Variants in ARHGAP10 observed in about 807,000 individuals in gnomAD.
ARHGAP10 encodes rho GTPase-activating protein 10.
Under a neutral mutation model 108.6 loss-of-function variants are expected in ARHGAP10, and 87 were observed. The ratio of observed to expected loss-of-function variants is 0.80; its 90% CI spans 0.67 to 0.96. The LOEUF is 0.96. Among genes scored for constraint, ARHGAP10 ranks in the 40% least tolerant of loss-of-function variants. The probability of loss-of-function intolerance (pLI) is 0.00; values close to 1 mark genes in which losing one functional copy is unlikely to be tolerated. For missense variants in ARHGAP10, 939 were observed against 954.5 expected, an observed-to-expected ratio of 0.98 and a Z score of 0.21; for synonymous variants, 347 against 341.1, an observed-to-expected ratio of 1.02 and a Z score of -0.19.
At chr4:147,838,464 C>G (rs1733261710) in intron 3 of ARHGAP10, among the ~76,000 whole-genome samples, 1 of 48,166 alleles carries the variant, frequency 2.1e-5, no homozygotes, top group Non-Finnish European at 6.8e-5. Context: ...GAGTGAGACC[C>G]TTGTCTCTTA....
chr4:147,988,494 C>A (rs1416181093), intron 18 of ARHGAP10, among the ~76,000 whole-genome samples: 1 of 152,152 alleles, frequency 6.6e-6, no homozygotes, highest in East Asian at 1.9e-4. Context: ...TTTCCTCTAT[C>A]TAGCTCTGAA....
chr4:147,876,171 T>G (rs907397609), intron 8 of ARHGAP10, among the ~76,000 whole-genome samples: 3 of 152,196 alleles, frequency 2.0e-5, no homozygotes, highest in Non-Finnish European at 4.4e-5. Context: ...TTGCCCTTAT[T>G]TAATCTGGAA....
intron 14 of ARHGAP10, among the ~76,000 whole-genome samples, chr4:147,944,995 G>A (rs1446801419): frequency 4.6e-5 from 7 of 152,168 alleles, no homozygotes; most frequent in African/African-American, 1.7e-4. Flanking sequence ...CGTTCTGTGA[G>A]AGCATTTACA....
At chr4:148,048,932 G>GTT (rs936226806) in intron 20 of ARHGAP10, among the ~76,000 whole-genome samples, 1 of 150,932 alleles carries the variant, frequency 6.6e-6, no homozygotes, top group African/African-American at 2.4e-5. Flanking sequence ...GTTGGGGGGA[G>GTT]TAGTTGAAGC....
chr4:147,792,555 TCTC>T (rs1289930513), intron 1 of ARHGAP10, among the ~76,000 whole-genome samples: 3 of 152,198 alleles, frequency 2.0e-5, no homozygotes, highest in Non-Finnish European at 4.4e-5. Flanking sequence ...TTCCTGTGCT[TCTC>T]CTCACTCCGT....
At chr4:147,973,677 C>T (rs896171173) in intron 18 of ARHGAP10, among the ~76,000 whole-genome samples, 5 of 152,172 alleles carry the variant, frequency 3.3e-5, no homozygotes, top group African/African-American at 4.8e-5. Context: ...CTGCTCCCCC[C>T]GCCACTGCTC....
At chr4:147,734,669 T>C (rs1430625490) in intron 1 of ARHGAP10, among the ~76,000 whole-genome samples, 2 of 152,132 alleles carry the variant, frequency 1.3e-5, no homozygotes, top group Admixed American at 6.5e-5. Context: ...ATTGAGCAGG[T>C]CTTATTCTTT....
chr4:147,959,747 A>T (rs10002792), intron 16 of ARHGAP10, among the ~76,000 whole-genome samples: 33,835 of 152,112 alleles, frequency 0.22, 7,209 homozygotes, highest in African/African-American at 0.56. Flanking sequence ...TGTGCCACAT[A>T]TTCTTAATCC....
chr4:147,903,954 G>A (rs193124864), intron 10 of ARHGAP10, among the ~76,000 whole-genome samples: 162 of 152,300 alleles, frequency 1.1e-3, no homozygotes, highest in African/African-American at 3.8e-3. Flanking sequence ...TGTAGACATA[G>A]TTTTCAGTTC....
chr4:147,910,501 C>T (rs753569793), intron 12 of ARHGAP10, among the ~76,000 whole-genome samples: 7 of 152,166 alleles, frequency 4.6e-5, no homozygotes, highest in Non-Finnish European at 1.0e-4. Context: ...TGTTTCCTAG[C>T]CTTGATATGC....
At chr4:147,942,752 A>G (rs1019691883) in intron 14 of ARHGAP10, among the ~76,000 whole-genome samples, 1 of 152,236 alleles carries the variant, frequency 6.6e-6, no homozygotes, top group African/African-American at 2.4e-5. Flanking sequence ...AGGAGCAGGC[A>G]GCTGCCTTCC....
chr4:147,842,861 A>G (rs1733470424), intron 3 of ARHGAP10, among the ~76,000 whole-genome samples: 1 of 152,130 alleles, frequency 6.6e-6, no homozygotes, highest in Non-Finnish European at 1.5e-5. Context: ...TGCTGGAGAA[A>G]ATCCCACAAT....
intron 10 of ARHGAP10, among the ~76,000 whole-genome samples, chr4:147,897,276 A>G (rs1439362269): frequency 6.6e-6 from 1 of 151,160 alleles, no homozygotes. Context: ...TATTATTACT[A>G]TTTTTTTGTA....
chr4:147,973,133 G>A (rs1220951088), intron 18 of ARHGAP10, among the ~76,000 whole-genome samples: 1 of 152,126 alleles, frequency 6.6e-6, no homozygotes. Flanking sequence ...CGGAATGAGT[G>A]ATATTCAGTG....
Position 147,796,933 on chromosome 4 carries a change from C to T in ARHGAP10, c.155-25794C>T, listed in dbSNP as rs560165378. 8.1e-4 allele frequency among the ~76,000 whole-genome samples: 123 copies of T among 152,164 alleles called. 1 individual carries two copies. The highest frequency in any genetic ancestry group is 1.2e-3 in the Non-Finnish European group (79 of 68,032). On this transcript the variant is annotated intron_variant, in intron 1 of 22. Coordinates refer to ENST00000336498, the MANE Select transcript of ARHGAP10 (RefSeq NM_024605.4). ...TCCCTCATGCCATAGAGCCCTTCCA[C>T]GGAGGCTTGTTGATTTTAGCTCTGA... is the stretch of plus-strand genomic sequence containing the variant.
intron 1 of ARHGAP10, among the ~76,000 whole-genome samples, chr4:147,747,335 A>G (rs1328588863): frequency 6.6e-6 from 1 of 152,226 alleles, no homozygotes; most frequent in Non-Finnish European, 1.5e-5. Context: ...AAATTGTAAG[A>G]GTTAAAAATG....
At chr4:148,056,995 C>T (rs561433208) in intron 20 of ARHGAP10, among the ~76,000 whole-genome samples, 2 of 152,312 alleles carry the variant, frequency 1.3e-5, no homozygotes, top group African/African-American at 4.8e-5. Flanking sequence ...TGACTCTCTT[C>T]ACGTTAGCTG....
intron 18 of ARHGAP10, among the ~76,000 whole-genome samples, chr4:147,983,191 T>TG (rs1174083987): frequency 3.5e-4 from 52 of 147,916 alleles, no homozygotes; most frequent in Non-Finnish European, 4.7e-4. Flanking sequence ...TGCTTTGTTT[T>TG]TTTTTTTTTT....
intron 13 of ARHGAP10, among the ~76,000 whole-genome samples, chr4:147,915,401 T>C (rs532006052): frequency 1.3e-5 from 2 of 152,334 alleles, no homozygotes; most frequent in African/African-American, 4.8e-5. Context: ...TTTTTCTGAG[T>C]TTCTTAAGTA....
Sources: gnomAD v4.1 joint callset for allele counts (sites outside exome capture counted in the v4.1 genomes callset) on GRCh38, gnomAD v4.1.1 for gene constraint, MANE v1.5 for transcripts, NCBI Gene and HGNC (gene_info 2026-07-23, HGNC 2026-07-21) for gene names.